PLCZ1: variants seen among roughly 807,000 people sequenced by gnomAD.
PLCZ1 encodes phospholipase C zeta 1, also known as 1-phosphatidylinositol 4,5-bisphosphate phosphodiesterase zeta-1.
Under a neutral mutation model 76.8 loss-of-function variants are expected in PLCZ1, and 64 were observed. The ratio of observed to expected loss-of-function variants is 0.83; its 90% CI spans 0.68 to 1.03. PLCZ1 has a LOEUF of 1.03. Ranked by LOEUF, PLCZ1 falls within the 50% of genes least tolerant of loss-of-function variation. The probability of loss-of-function intolerance (pLI) is 0.00; values close to 1 mark genes in which losing one functional copy is unlikely to be tolerated. For synonymous variants in PLCZ1, 248 were observed against 230.8 expected (o/e 1.07, Z -0.68); for missense variants, 751 against 713.7 (o/e 1.05, Z -0.60).
At chr12:18,706,905 A>G (rs1481686637) in intron 6 of PLCZ1, among the ~76,000 whole-genome samples, 3 of 152,208 alleles carry the variant, frequency 2.0e-5, no homozygotes, top group South Asian at 4.1e-4. Flanking sequence ...ACTGGTCTCA[A>G]ATCAAGGTGT....
At position 18,712,833 on chromosome 12, in the gene PLCZ1, T is replaced by G; in HGVS notation, c.714+9A>C. ...AAATAGCTACAGTTGAACAAAGATA[T>G]GTACATACCATGAATGCATACTTGT... On this transcript the variant is annotated intron_variant, in intron 6 of 14. Coordinates refer to ENST00000266505, the MANE Select transcript of PLCZ1 (RefSeq NM_033123.4). 2 of 1,613,368 alleles carry G rather than the reference T, an allele frequency of 1.2e-6. No individual in the cohort carries two copies. Among genetic ancestry groups the G allele is most frequent in the Non-Finnish European group, 1.7e-6 (2 of 1,179,392 alleles).
chr12:18,683,895 C>T (rs1952698410), intron 14 of PLCZ1, among the ~76,000 whole-genome samples: 1 of 151,902 alleles, frequency 6.6e-6, no homozygotes, highest in Non-Finnish European at 1.5e-5. Context: ...TAAAGAAATG[C>T]TTATACATGC....
At chr12:18,670,058 C>T in the PLCZ1 span, among the ~76,000 whole-genome samples, 1 of 152,082 alleles carries the variant, frequency 6.6e-6, no homozygotes, top group African/African-American at 2.4e-5. Flanking sequence ...AAAGATCCTA[C>T]CTCCTAATAC....
chr12:18,660,331 G>A, the PLCZ1 span, among the ~76,000 whole-genome samples: 1 of 152,176 alleles, frequency 6.6e-6, no homozygotes, highest in East Asian at 1.9e-4. Flanking sequence ...TCTGATTGAT[G>A]CTCTGATCAA....
chr12:18,660,274 G>C, the PLCZ1 span, among the ~76,000 whole-genome samples: 1 of 152,112 alleles, frequency 6.6e-6, no homozygotes, highest in Non-Finnish European at 1.5e-5. Flanking sequence ...ACCAGCAGGA[G>C]CCATAAGGAT....
At chr12:18,666,491 T>C in the PLCZ1 span, among the ~76,000 whole-genome samples, 6 of 152,270 alleles carry the variant, frequency 3.9e-5, no homozygotes, top group East Asian at 9.6e-4. Flanking sequence ...AAGGACATTA[T>C]ATAATATAAA....
At chr12:18,712,508 TG>T (rs1274252078) in intron 6 of PLCZ1, among the ~76,000 whole-genome samples, 1 of 152,152 alleles carries the variant, frequency 6.6e-6, no homozygotes, top group African/African-American at 2.4e-5. Context: ...AGTTGAATAT[TG>T]GTAAAATATC....
intron 12 of PLCZ1, chr12:18,693,657 G>A: frequency 6.4e-7 from 1 of 1,565,414 alleles, no homozygotes; most frequent in Non-Finnish European, 8.8e-7. Context: ...GGGACAAAAA[G>A]ATATGACTCC....
the PLCZ1 span, among the ~76,000 whole-genome samples, chr12:18,664,084 C>A: frequency 1.6e-4 from 24 of 152,010 alleles, no homozygotes; most frequent in African/African-American, 5.6e-4. Flanking sequence ...CTATCAAAAA[C>A]CAAACCAGAC....
chr12:18,687,789 T>C (rs977406346), intron 13 of PLCZ1, among the ~76,000 whole-genome samples: 2 of 152,056 alleles, frequency 1.3e-5, no homozygotes, highest in African/African-American at 4.8e-5. Flanking sequence ...TTTGAGGCTG[T>C]TAAAATGCCT....
chr12:18,682,045 G>T (rs1282625647), downstream of PLCZ1, among the ~76,000 whole-genome samples: 1 of 151,984 alleles, frequency 6.6e-6, no homozygotes, highest in Non-Finnish European at 1.5e-5. Context: ...CAAAACAGAG[G>T]CATCTTTCTA....
At chr12:18,698,335 C>G (rs888298235) in intron 10 of PLCZ1, among the ~76,000 whole-genome samples, 1 of 151,814 alleles carries the variant, frequency 6.6e-6, no homozygotes, top group Non-Finnish European at 1.5e-5. Context: ...CTATACTACT[C>G]TATTCTATTC....
chr12:18,657,379 G>C, the PLCZ1 span, among the ~76,000 whole-genome samples: 1 of 152,142 alleles, frequency 6.6e-6, no homozygotes, highest in African/African-American at 2.4e-5. Flanking sequence ...AGAAGATCCA[G>C]AGCTCTTGTC....
chr12:18,702,005 T>A (rs948997771), intron 7 of PLCZ1, among the ~76,000 whole-genome samples: 1 of 152,168 alleles, frequency 6.6e-6, no homozygotes, highest in Non-Finnish European at 1.5e-5. Flanking sequence ...GATTGAGACT[T>A]ACCATATGCC....
intron 7 of PLCZ1, among the ~76,000 whole-genome samples, chr12:18,703,644 A>T (rs1664087976): frequency 6.6e-6 from 1 of 152,204 alleles, no homozygotes; most frequent in African/African-American, 2.4e-5. Context: ...TAGCCAATCA[A>T]ATCTTAAATC....
chr12:18,737,838 T>C (rs1479142798), intron 1 of PLCZ1, 94 bp downstream of exon 1: 4 of 280,734 alleles, frequency 1.4e-5, no homozygotes, highest in South Asian at 5.3e-5. Context: ...ATCAACACCA[T>C]TGTGATTCCT....
intron 13 of PLCZ1, among the ~76,000 whole-genome samples, chr12:18,687,817 G>A (rs1953389103): frequency 6.6e-6 from 1 of 152,026 alleles, no homozygotes. Context: ...TCGGTGATAT[G>A]AGAGAAAACA....
chr12:18,650,331 C>CTATATATATA, the PLCZ1 span, among the ~76,000 whole-genome samples: 14 of 91,964 alleles, frequency 1.5e-4, no homozygotes, highest in Non-Finnish European at 2.1e-4. Context: ...CTCTCTCTCT[C>CTATATATATA]TATATATATA....
Position 18,694,145 on chromosome 12 carries a change from C to G in PLCZ1, c.1461+765G>C. The G allele has an allele frequency of 5.0e-6, 4 of 801,718 alleles. No individual in the cohort carries two copies. In the South Asian group the frequency reaches 6.8e-5, roughly 14 times the overall value. The allele number at this position is 801,718 out of a possible 1,614,324, so 49.7% of individuals were successfully genotyped here. On this transcript the variant is annotated intron_variant, in intron 12 of 14. Coordinates refer to ENST00000266505, the MANE Select transcript of PLCZ1 (RefSeq NM_033123.4). Reference sequence around the variant, plus strand: ...GAAAATGGTTGGGTGATTTCTCAGTCCCTGAAAGGGATGAGGCTGGGGGAG... The same window carrying G: ...GAAAATGGTTGGGTGATTTCTCAGTGCCTGAAAGGGATGAGGCTGGGGGAG...
Sources: gnomAD v4.1 joint callset for allele counts (sites outside exome capture counted in the v4.1 genomes callset) on GRCh38, gnomAD v4.1.1 for gene constraint, MANE v1.5 for transcripts, NCBI Gene and HGNC (gene_info 2026-07-23, HGNC 2026-07-21) for gene names.